The following TMIGD1 variants were observed in gnomAD, a reference collection of about 807,000 sequenced individuals.
TMIGD1 encodes the protein transmembrane and immunoglobulin domain-containing protein 1.
TMIGD1 carries 29 observed loss-of-function variants against 27.5 expected under a neutral mutation model. That is an observed-to-expected ratio of 1.05 (90% confidence interval 0.78 to 1.44). The LOEUF is 1.44. Among genes scored for constraint, TMIGD1 ranks in the 40% most tolerant of loss-of-function variants. TMIGD1 has a pLI of 0.00. For synonymous variants in TMIGD1, 109 were observed against 110.3 expected (o/e 0.99, Z 0.07); for missense variants, 334 against 310.6 (o/e 1.08, Z -0.57).
chr17:30,326,192 G>A (rs1909768046), intron 3 of TMIGD1, among the ~76,000 whole-genome samples: 1 of 152,124 alleles, frequency 6.6e-6, no homozygotes, highest in Non-Finnish European at 1.5e-5. Flanking sequence ...GGAAGCTGCT[G>A]GAATAGAGAA....
chr17:30,324,736 T>G, intron 4 of TMIGD1, 80 bp downstream of exon 4: 1 of 1,491,180 alleles, frequency 6.7e-7, no homozygotes, highest in Non-Finnish European at 9.1e-7. Context: ...GTTATTATCA[T>G]TTATTGTCAC....
intron 4 of TMIGD1, among the ~76,000 whole-genome samples, chr17:30,319,347 C>T (rs1346736239): frequency 7.1e-6 from 1 of 140,854 alleles, no homozygotes; most frequent in Non-Finnish European, 1.5e-5. Flanking sequence ...ATTGCTTGGT[C>T]CCAGGAGACA....
At chr17:30,328,839 C>A (rs7215157) in intron 3 of TMIGD1, among the ~76,000 whole-genome samples, 1 of 151,404 alleles carries the variant, frequency 6.6e-6, no homozygotes, top group Admixed American at 6.6e-5. Context: ...TAGTGGGCAC[C>A]TGCAGTCCCA....
rs1422511690 is a variant in TMIGD1, at chr17:30,316,427, A to G, written c.*260T>C. On this transcript the variant is annotated 3_prime_UTR_variant, in exon 7 of 7. Coordinates refer to ENST00000328886, the MANE Select transcript of TMIGD1 (RefSeq NM_206832.3). Reference sequence around the variant, plus strand: ...CTAAACAGTAAATGATTACCAACCTATTTGGAACAAATCTCAATTAATTAA... The same window carrying G: ...CTAAACAGTAAATGATTACCAACCTGTTTGGAACAAATCTCAATTAATTAA... 2.5e-6 allele frequency: 1 copy of G among 404,074 alleles called. No homozygotes were observed. Among genetic ancestry groups the G allele is most frequent in the Non-Finnish European group, 4.4e-6 (1 of 229,602 alleles). The allele number at this position is 404,074 out of a possible 1,614,324, so 25.0% of individuals were successfully genotyped here. A position where few individuals can be genotyped will look rare whatever the true frequency, so the allele number is the denominator to read the frequency against.
At chr17:30,317,134 A>G in intron 6 of TMIGD1, 59 bp downstream of exon 6, 1 of 1,553,052 alleles carries the variant, frequency 6.4e-7, no homozygotes, top group Non-Finnish European at 8.9e-7. Context: ...AGAGTGATGC[A>G]TATCACTGCT....
At chr17:30,328,925 C>T (rs1326447898) in intron 3 of TMIGD1, among the ~76,000 whole-genome samples, 2 of 138,224 alleles carry the variant, frequency 1.4e-5, no homozygotes, top group African/African-American at 5.5e-5. Flanking sequence ...GATTGCGCCA[C>T]TGAACTGCAC....
At position 30,326,416 on chromosome 17, in the gene TMIGD1, A is replaced by G. The variant is rs181199643; in HGVS notation, c.362-1322T>C. 3.0e-3 allele frequency among the ~76,000 whole-genome samples: 456 copies of G among 152,152 alleles called. 2 individuals are homozygous for G. Among genetic ancestry groups the G allele is most frequent in the Non-Finnish European group, 4.8e-3 (327 of 67,988 alleles). The stretch of plus-strand genomic sequence containing the variant: ...ATGAGTTTGGTGTAAATCCTTCCCT[A>G]TCTTTCTTTTTTCTTAAATAGTTTT... On this transcript the variant is annotated intron_variant, in intron 3 of 6. Coordinates refer to ENST00000328886, the MANE Select transcript of TMIGD1 (RefSeq NM_206832.3).
At chr17:30,330,895 T>C (rs1469257872) in intron 2 of TMIGD1, among the ~76,000 whole-genome samples, 1 of 152,186 alleles carries the variant, frequency 6.6e-6, no homozygotes, top group Non-Finnish European at 1.5e-5. Context: ...TAACCTTCCT[T>C]TTAAAACACT....
At position 30,332,051 on chromosome 17, in the gene TMIGD1, C is replaced by G; in HGVS notation, c.82+1G>C. Reference sequence around the variant, plus strand: ...AGAGGCCAAAAAGAACTTTAACTTACTTGTCATCTCACGTGGCAGAAATAA... The same window carrying G: ...AGAGGCCAAAAAGAACTTTAACTTAGTTGTCATCTCACGTGGCAGAAATAA... On this transcript the variant is annotated splice_donor_variant, in intron 2 of 6. Transcript: ENST00000328886. LOFTEE classifies it high-confidence loss of function. 1 of 1,605,394 alleles carries G rather than the reference C, an allele frequency of 6.2e-7. No individual in the cohort carries two copies. The highest frequency in any genetic ancestry group is 8.5e-7 in the Non-Finnish European group (1 of 1,174,878).
intron 5 of TMIGD1, among the ~76,000 whole-genome samples, chr17:30,317,957 A>G (rs1225358876): frequency 6.6e-6 from 1 of 151,942 alleles, no homozygotes; most frequent in Non-Finnish European, 1.5e-5. Context: ...GGTCCCAGCT[A>G]CTAGGGAGGC....
Position 30,320,184 on chromosome 17 carries a change from C to T in TMIGD1, c.641-1271G>A, listed in dbSNP as rs117951147. Among the ~76,000 whole-genome samples, 46 of 151,982 alleles carry T rather than the reference C, an allele frequency of 3.0e-4. No individual in the cohort carries two copies. The East Asian group carries it at 8.5e-3, about 28-fold the overall frequency. ...TCCCGAGTAGCTGCAATTACAGGCA[C>T]GTGCTACCATACCGAGATAATTTTT... On this transcript the variant is annotated intron_variant, in intron 4 of 6. Transcript: ENST00000328886.
chr17:30,319,261 A>AAAAAAAAAAAAAAAAAATATATAT, intron 4 of TMIGD1, among the ~76,000 whole-genome samples: 28 of 69,024 alleles, frequency 4.1e-4, no homozygotes, highest in Admixed American at 5.9e-4. Flanking sequence ...AAAAAAAAAA[A>AAAAAAAAAAAAAAAAAATATATAT]ATATATATAT....
At chr17:30,321,330 G>T (rs1909613909) in intron 4 of TMIGD1, among the ~76,000 whole-genome samples, 1 of 152,172 alleles carries the variant, frequency 6.6e-6, no homozygotes, top group African/African-American at 2.4e-5. Context: ...CAAAGTAAAA[G>T]TGCTTCAGTT....
In TMIGD1 at chr17:30,318,873, T is replaced by C; in HGVS notation, c.681A>G (p.Ala227=). 6.2e-7 allele frequency: 1 copy of C among 1,613,988 alleles called. No individual in the cohort carries two copies. The highest frequency in any genetic ancestry group is 8.5e-7 in the Non-Finnish European group (1 of 1,179,924). Residue 227 remains alanine (A), a synonymous_variant, in exon 5 of 7, where the codon GCA becomes GCG. Transcript: ENST00000328886. ...VGVPIEPIIA[A]CVVIFLTLCF... ...ACAATGTCAGAAAGATCACAACACA[T>C]GCAGCAATAATGGGCTCTATTGGTA...
chr17:30,329,559 A>G (rs1909907479), intron 2 of TMIGD1, 30 bp from the exon 3 acceptor site: 4 of 1,587,102 alleles, frequency 2.5e-6, no homozygotes, highest in Non-Finnish European at 3.4e-6. Context: ...CTATTTAGAT[A>G]TACAGAGTAA....
chr17:30,325,151 A>G, intron 3 of TMIGD1, 57 bp from the exon 4 acceptor site: 1 of 1,524,938 alleles, frequency 6.6e-7, no homozygotes, highest in Non-Finnish European at 8.9e-7. Flanking sequence ...TCACTGTCAG[A>G]GTTCAAAGTC....
At position 30,329,645 on chromosome 17, in the gene TMIGD1, C is replaced by G. The variant is rs926558538; in HGVS notation, c.83-116G>C. The G allele has an allele frequency of 8.3e-6, 6 of 725,410 alleles. No homozygotes were observed. The African/African-American group carries it at 1.1e-4, about 13-fold the overall frequency. 44.9% of individuals were successfully genotyped at this position (725,410 alleles called of 1,614,324 possible). A position where few individuals can be genotyped will look rare whatever the true frequency, so the allele number is the denominator to read the frequency against. On this transcript the variant is annotated intron_variant, in intron 2 of 6. Transcript: ENST00000328886. ...TCAGTAGAACAAAATAAACTCTCAA[C>G]GATTAAAAATAGTCATATTGATCTA...
intron 3 of TMIGD1, among the ~76,000 whole-genome samples, chr17:30,327,521 G>A (rs542704112): frequency 9.2e-5 from 14 of 151,570 alleles, no homozygotes; most frequent in African/African-American, 2.9e-4. Context: ...CCCCTAGTCC[G>A]GGCCTTAGTT....
At chr17:30,328,559 C>T (rs1040774814) in intron 3 of TMIGD1, among the ~76,000 whole-genome samples, 6 of 151,548 alleles carry the variant, frequency 4.0e-5, no homozygotes, top group East Asian at 1.9e-4. Context: ...TAAAACCCAA[C>T]GGAAAAAAAT....
Sources: allele counts gnomAD v4.1 joint callset (sites outside exome capture counted in the v4.1 genomes callset), GRCh38; gene constraint gnomAD v4.1.1; transcripts MANE v1.5; gene names NCBI Gene and HGNC (gene_info 2026-07-23, HGNC 2026-07-21).